The following TM9SF2 variants were observed in gnomAD, a reference collection of about 807,000 sequenced individuals.
TM9SF2 encodes 76 kDa membrane protein.
Under a neutral mutation model 84.9 loss-of-function variants are expected in TM9SF2, and 13 were observed. That is an observed-to-expected ratio of 0.15 (90% CI 0.10 to 0.24). The LOEUF (loss-of-function observed/expected upper bound fraction) is 0.24, where lower values mean the gene tolerates loss of function less well. Among genes scored for constraint, TM9SF2 ranks in the 10% least tolerant of loss-of-function variants. TM9SF2 has a pLI of 1.00. For missense variants in TM9SF2, 562 were observed against 818.5 expected, an observed-to-expected ratio of 0.69 and a Z score of 3.82; for synonymous variants, 273 against 285.8, an observed-to-expected ratio of 0.96 and a Z score of 0.45.
At chr13:99,506,606 G>A (rs2046089610) in intron 1 of TM9SF2, among the ~76,000 whole-genome samples, 1 of 152,212 alleles carries the variant, frequency 6.6e-6, no homozygotes, top group African/African-American at 2.4e-5. Context: ...CTGAGAGTTA[G>A]AATCAAGAAA....
Position 99,560,816 on chromosome 13 carries a change from G to C in TM9SF2, c.1924+1282G>C, listed in dbSNP as rs184790576. Among the ~76,000 whole-genome samples the C allele has an allele frequency of 2.3e-3, 357 of 152,082 alleles. 3 individuals carry two copies. Among genetic ancestry groups the C allele is most frequent in the African/African-American group, 8.2e-3 (341 of 41,540 alleles). ...CCTGCCTCAGCCTCCCGAGTAGCTG[G>C]GACTACAGGCGCCCGCCACTGCGCC... On this transcript the variant is annotated intron_variant, in intron 16 of 16. Transcript: ENST00000376387.
chr13:99,559,227 G>A, intron 15 of TM9SF2, 136 bp from the exon 16 acceptor site: 1 of 704,218 alleles, frequency 1.4e-6, no homozygotes, highest in Non-Finnish European at 2.2e-6. Flanking sequence ...AGTTCAATAG[G>A]AGAAAGAGCC....
chr13:99,533,950 C>T (rs988110725), intron 4 of TM9SF2, among the ~76,000 whole-genome samples: 11 of 152,086 alleles, frequency 7.2e-5, no homozygotes, highest in Admixed American at 2.0e-4. Context: ...ATTACAGGCG[C>T]GAGCCACCGC....
At position 99,549,307 on chromosome 13, in the gene TM9SF2, G is replaced by A. The variant is rs116925864; in HGVS notation, c.1328+85G>A. Reference sequence around the variant, plus strand: ...TCAGTCGTTGAGTCTTTAATCCTCCGTGTCTCTAAATCATGTACCTAAGAA... The same window carrying A: ...TCAGTCGTTGAGTCTTTAATCCTCCATGTCTCTAAATCATGTACCTAAGAA... On this transcript the variant is annotated intron_variant, in intron 12 of 16. Coordinates refer to ENST00000376387, the MANE Select transcript of TM9SF2 (RefSeq NM_004800.3). 2,859 of 1,048,412 alleles carry A rather than the reference G, an allele frequency of 2.7e-3. 7 individuals are homozygous for A. The highest frequency in any genetic ancestry group is 3.4e-3 in the Non-Finnish European group (2,286 of 682,138). 64.9% of individuals were successfully genotyped at this position (1,048,412 alleles called of 1,614,324 possible).
chr13:99,555,618 C>T lies in TM9SF2; in HGVS notation c.1723C>T (p.Leu575Phe), dbSNP rs2046322224. 6.2e-7 allele frequency: 1 copy of T among 1,613,604 alleles called. No homozygotes were observed. Among genetic ancestry groups the T allele is most frequent in the Non-Finnish European group, 8.5e-7 (1 of 1,179,740 alleles). ...TATTACCTGTTCTGAAGCAACTATA[C>T]TTCTTTGCTATTTCCACCTATGTGC... ...LVITCSEATI[L>F]LCYFHLCAED... Residue 575 changes from leucine (L) to phenylalanine (F), a missense_variant, in exon 15 of 17, where the codon CTT becomes TTT. This residue lies in a region of TM9SF2 where 63 missense variants were observed against 109.2 expected (regional missense o/e 0.58). Coordinates refer to ENST00000376387, the MANE Select transcript of TM9SF2 (RefSeq NM_004800.3).
intron 10 of TM9SF2, among the ~76,000 whole-genome samples, chr13:99,546,586 C>T (rs1172960322): frequency 1.3e-5 from 2 of 151,464 alleles, no homozygotes; most frequent in Non-Finnish European, 2.9e-5. Flanking sequence ...TTTTTACCCC[C>T]AGAGGACCCC....
At chr13:99,510,276 A>C (rs570681315) in intron 1 of TM9SF2, among the ~76,000 whole-genome samples, 1 of 152,134 alleles carries the variant, frequency 6.6e-6, no homozygotes, top group South Asian at 2.1e-4. Flanking sequence ...TCATCTTCCT[A>C]TCTTCTTCTG....
chr13:99,560,943 G>A (rs9557255), intron 16 of TM9SF2, among the ~76,000 whole-genome samples: 16 of 152,202 alleles, frequency 1.1e-4, no homozygotes, highest in South Asian at 2.1e-4. Flanking sequence ...TTGGCCTCCC[G>A]AAGTGCTCGG....
At chr13:99,536,364 T>G (rs1225002234) in intron 4 of TM9SF2, among the ~76,000 whole-genome samples, 1 of 151,718 alleles carries the variant, frequency 6.6e-6, no homozygotes, top group Non-Finnish European at 1.5e-5. Context: ...TTGTGATCAA[T>G]TAGTTGTAAA....
At position 99,547,071 on chromosome 13, in the gene TM9SF2, C is replaced by G. The variant is rs763594039; in HGVS notation, c.1237C>G (p.Pro413Ala). 1 of 1,613,972 alleles carries G rather than the reference C, an allele frequency of 6.2e-7. No individual in the cohort carries two copies. The highest frequency in any genetic ancestry group is 8.5e-7 in the Non-Finnish European group (1 of 1,180,018). Residue 413 changes from proline to alanine, a missense_variant, in exon 11 of 17, where the codon CCT becomes GCT. By Grantham distance (27) the Pro-to-Ala change is conservative (BLOSUM62 -1). Around this residue, in one of 4 missense-constraint regions of TM9SF2, gnomAD observed 219 missense variants for 338.1 expected, o/e 0.65. Coordinates refer to ENST00000376387, the MANE Select transcript of TM9SF2 (RefSeq NM_004800.3). The part of the protein sequence containing the change: ...AVVLWVLLGT[P>A]AGYVAARFYK... ...GGTCCTGTGGGTGCTGCTGGGCACCCCTGCAGGCTATGTTGCTGCCAGATT... is the reference window on the plus strand; with the variant it reads ...GGTCCTGTGGGTGCTGCTGGGCACCGCTGCAGGCTATGTTGCTGCCAGATT...
rs765141873 is a variant in TM9SF2, at chr13:99,529,608, A to G, written c.461+14A>G. The G allele has an allele frequency of 1.4e-5, 22 of 1,530,972 alleles. No homozygotes were observed. Among genetic ancestry groups the G allele is most frequent in the Non-Finnish European group, 1.8e-5 (21 of 1,146,024 alleles). The allele number at this position is 1,530,972 out of a possible 1,614,324, so 94.8% of individuals were successfully genotyped here. The stretch of plus-strand genomic sequence containing the variant: ...TCAACATCACTGGTAAGGCATGAAT[A>G]TTTTCGATTTTGGGGTTTATCCTTT... On this transcript the variant is annotated intron_variant, in intron 4 of 16. Transcript: ENST00000376387.
intron 1 of TM9SF2, among the ~76,000 whole-genome samples, chr13:99,502,628 A>G (rs1443304500): frequency 1.3e-5 from 2 of 152,228 alleles, no homozygotes; most frequent in Non-Finnish European, 2.9e-5. Context: ...AGGCGTAAAT[A>G]AAGTAACCTG....
chr13:99,505,171 A>T lies in TM9SF2; in HGVS notation c.171+3394A>T, dbSNP rs1339114784. Among the ~76,000 whole-genome samples the T allele has an allele frequency of 1.5e-4, 11 of 72,524 alleles. No individual in the cohort carries two copies. The East Asian group carries it at 2.2e-3, about 14-fold the overall frequency. The allele number at this position is 72,524 out of a possible 152,430, so 47.6% of individuals were successfully genotyped here. A position where few individuals can be genotyped will look rare whatever the true frequency, so the allele number is the denominator to read the frequency against. The stretch of plus-strand genomic sequence containing the variant: ...CTAAGACTTTTTTTTTTTTTTTTTG[A>T]GACGGAGTTTTGCTCTTATCACCCA... On this transcript the variant is annotated intron_variant, in intron 1 of 16. Coordinates refer to ENST00000376387, the MANE Select transcript of TM9SF2 (RefSeq NM_004800.3).
At position 99,526,067 on chromosome 13, in the gene TM9SF2, A is replaced by G. The variant is rs1157091307; in HGVS notation, c.334-3400A>G. On this transcript the variant is annotated intron_variant, in intron 3 of 16. Transcript: ENST00000376387. ...TGGAGGGAAGGCAGAGACATGGGGC[A>G]TGATGCTGGGAGGTAAATGTGGCAA... 3.9e-5 allele frequency among the ~76,000 whole-genome samples: 6 copies of G among 152,216 alleles called. No individual in the cohort carries two copies. The East Asian group carries it at 1.2e-3, about 29-fold the overall frequency.
chr13:99,543,872 C>G lies in TM9SF2; in HGVS notation c.1027C>G (p.Gln343Glu). The change falls in exon 10 of 17, where the codon CAG (glutamine) becomes GAG (glutamate). Residue 343 changes from glutamine to glutamate, a missense_variant. Coordinates refer to ENST00000376387, the MANE Select transcript of TM9SF2 (RefSeq NM_004800.3). ...TTCATTCCCCTTTTAGGAAGATGCCCAGGAAGAATTTGGCTGGAAACTTGT... is the reference window on the plus strand; with the variant it reads ...TTCATTCCCCTTTTAGGAAGATGCCGAGGAAGAATTTGGCTGGAAACTTGT... ...YNQMDSTEDA[Q>E]EEFGWKLVHG... 1 of 1,613,888 alleles carries G rather than the reference C, an allele frequency of 6.2e-7. No homozygotes were observed.
In TM9SF2 at chr13:99,559,515, G is replaced by A. The variant is rs1353862931; in HGVS notation, c.1905G>A (p.Leu635=). The A allele has an allele frequency of 6.3e-7, 1 of 1,596,994 alleles. No homozygotes were observed. Among genetic ancestry groups the A allele is most frequent in the African/African-American group, 1.4e-5 (1 of 73,968 alleles). The part of the protein sequence containing the change: ...LYFGYTMIMV[L]IFFLFTGTIG... ...TTGGTTATACCATGATAATGGTTTT[G>A]ATCTTCTTTCTTTTTACAGGTAAAA... Residue 635 remains leucine, a synonymous_variant, in exon 16 of 17, where the codon TTG becomes TTA. Coordinates refer to ENST00000376387, the MANE Select transcript of TM9SF2 (RefSeq NM_004800.3).
In TM9SF2 at chr13:99,505,669, A is replaced by G. The variant is rs549005555; in HGVS notation, c.171+3892A>G. On this transcript the variant is annotated intron_variant, in intron 1 of 16. Transcript: ENST00000376387. Reference sequence around the variant, plus strand: ...TAGAATAAAGCCCTGATTATAAGTGACTAGATATTCCAGGATAAAATCCAC... The same window carrying G: ...TAGAATAAAGCCCTGATTATAAGTGGCTAGATATTCCAGGATAAAATCCAC... Among the ~76,000 whole-genome samples the G allele has an allele frequency of 3.3e-4, 51 of 152,336 alleles. No homozygotes were observed. The South Asian group carries it at 0.011, about 32-fold the overall frequency.
intron 3 of TM9SF2, among the ~76,000 whole-genome samples, chr13:99,528,587 G>A (rs979855085): frequency 6.6e-6 from 1 of 152,150 alleles, no homozygotes; most frequent in Non-Finnish European, 1.5e-5. Flanking sequence ...TTTGGTGTCT[G>A]TGCTTCTGAT....
At chr13:99,523,179 A>C (rs547250572) in intron 3 of TM9SF2, among the ~76,000 whole-genome samples, 19 of 151,862 alleles carry the variant, frequency 1.3e-4, no homozygotes, top group African/African-American at 4.1e-4. Flanking sequence ...GTATTTATTT[A>C]TTTCTTTTTT....
Sources: allele counts gnomAD v4.1 joint callset (sites outside exome capture counted in the v4.1 genomes callset), GRCh38; gene constraint gnomAD v4.1.1; regional missense constraint gnomAD v4.1.1; transcripts MANE v1.5; gene names NCBI Gene and HGNC (gene_info 2026-07-23, HGNC 2026-07-21).